TMCO6: variants seen among roughly 807,000 people sequenced by gnomAD.
TMCO6 encodes the protein transmembrane and coiled-coil domains 6, also known as transmembrane and coiled-coil domain-containing protein 6.
A neutral mutation model predicts 61.8 loss-of-function variants in TMCO6; 47 were observed. That is an observed-to-expected ratio of 0.76 (90% CI 0.60 to 0.97). The LOEUF (loss-of-function observed/expected upper bound fraction) is 0.97. Ranked by LOEUF, TMCO6 falls within the 50% of genes least tolerant of loss-of-function variation. The probability of loss-of-function intolerance (pLI) is 0.00; values close to 1 mark genes in which losing one functional copy is unlikely to be tolerated. For synonymous variants in TMCO6, 261 were observed against 254.2 expected (o/e 1.03, Z -0.25); for missense variants, 557 against 601.6 (o/e 0.93, Z 0.78).
At position 140,644,273 on chromosome 5, in the gene TMCO6, C is replaced by G. The variant is rs925722509; in HGVS notation, c.1200+79C>G. 24 of 1,478,002 alleles carry G rather than the reference C, an allele frequency of 1.6e-5. No individual in the cohort carries two copies. In the African/African-American group the frequency reaches 2.8e-4, roughly 17 times the overall value. The allele number at this position is 1,478,002 out of a possible 1,614,324, so 91.6% of individuals were successfully genotyped here. On this transcript the variant is annotated intron_variant, in intron 10 of 11. Coordinates refer to ENST00000394671, the MANE Select transcript of TMCO6 (RefSeq NM_018502.5). ...AGCAGTCCTGAGCCCTCAGATGTAC[C>G]CTTAGTTGAGAGCCAGCAGGTGGTG...
chr5:140,635,941 T>C (rs568712493), upstream of TMCO6, among the ~76,000 whole-genome samples: 1 of 152,284 alleles, frequency 6.6e-6, no homozygotes, highest in South Asian at 2.1e-4. Flanking sequence ...AATATAGCTT[T>C]TGGCTGGGAA....
At chr5:140,631,939 C>A in the TMCO6 span, 1 of 1,612,656 alleles carries the variant, frequency 6.2e-7, no homozygotes, top group South Asian at 1.1e-5. Context: ...CAGGCTGGGA[C>A]CACGCCGGAG....
chr5:140,611,805 A>G, the TMCO6 span, among the ~76,000 whole-genome samples: 1 of 152,214 alleles, frequency 6.6e-6, no homozygotes, highest in Admixed American at 6.5e-5. Flanking sequence ...GATCAGACCT[A>G]TCATACACAA....
At chr5:140,627,396 T>C in the TMCO6 span, among the ~76,000 whole-genome samples, 14 of 152,294 alleles carry the variant, frequency 9.2e-5, no homozygotes, top group Admixed American at 6.5e-4. Context: ...AGTTGAACAA[T>C]GATCATATCA....
At chr5:140,627,710 A>T in the TMCO6 span, among the ~76,000 whole-genome samples, 1 of 147,436 alleles carries the variant, frequency 6.8e-6, no homozygotes. Flanking sequence ...TTCATTTGCC[A>T]GTTTTTACAT....
At position 140,643,600 on chromosome 5, in the gene TMCO6, T is replaced by G. The variant is rs780060167; in HGVS notation, c.843T>G (p.Ala281=). ...ATCCTCTGCTCATTGGCCATGGGGC[T>G]CTGTCTACTCTGGGGTTGCTGCTGT... is the stretch of plus-strand genomic sequence containing the variant. ...VSNPLLIGHG[A]LSTLGLLLLD... The change falls in exon 8 of 12, where the codon GCT becomes GCG. Residue 281 remains alanine, a synonymous_variant. Coordinates refer to ENST00000394671, the MANE Select transcript of TMCO6 (RefSeq NM_018502.5). 6.2e-7 allele frequency: 1 copy of G among 1,614,170 alleles called. No homozygotes were observed. The highest frequency in any genetic ancestry group is 8.5e-7 in the Non-Finnish European group (1 of 1,180,040).
chr5:140,642,370 G>A lies in TMCO6; in HGVS notation c.554G>A (p.Arg185Lys), dbSNP rs1413653092. ...NLIVESEAVR[R>K]QLLPQGIVPA... Reference sequence around the variant, plus strand: ...ATCGTGGAGAGTGAGGCTGTGAGAAGGCAGCTCCTGCCACAGGGCATTGTT... The same window carrying A: ...ATCGTGGAGAGTGAGGCTGTGAGAAAGCAGCTCCTGCCACAGGGCATTGTT... Residue 185 changes from arginine (R) to lysine (K), a missense_variant, in exon 5 of 12, where the codon AGG (arginine) becomes AAG (lysine). Transcript: ENST00000394671. The A allele has an allele frequency of 6.2e-7, 1 of 1,613,858 alleles. No homozygotes were observed.
chr5:140,629,890 G>A, the TMCO6 span, among the ~76,000 whole-genome samples: 61 of 145,540 alleles, frequency 4.2e-4, no homozygotes, highest in African/African-American at 2.6e-4. Context: ...CTGAGATTGC[G>A]CCATTGCACT....
At chr5:140,643,520 G>A (rs1184717290) in intron 7 of TMCO6, 44 bp from the exon 8 acceptor site, 4 of 1,560,940 alleles carry the variant, frequency 2.6e-6, no homozygotes, top group Non-Finnish European at 3.5e-6. Flanking sequence ...CTTAAAGGTG[G>A]AATTGACTAT....
chr5:140,632,993 C>A, the TMCO6 span: 3 of 1,614,120 alleles, frequency 1.9e-6, no homozygotes, highest in Admixed American at 5.0e-5. The surrounding 1 kb of genome is among the most constrained non-coding windows in gnomAD (Gnocchi z 6.2). Context: ...GGGGAGAGAG[C>A]AGAGGTCTAG....
At chr5:140,647,169 G>A (rs1012767414), downstream of TMCO6, 2 of 1,394,316 alleles carry the variant, frequency 1.4e-6, no homozygotes, top group African/African-American at 2.9e-5. Context: ...TTCTCCACGG[G>A]TTTCTGCACG....
chr5:140,609,371 G>T, the TMCO6 span: 1 of 256,126 alleles, frequency 3.9e-6, no homozygotes. Flanking sequence ...CATCCTGGCC[G>T]CCAAGAGGAA....
chr5:140,625,442 G>T, the TMCO6 span, among the ~76,000 whole-genome samples: 1 of 152,124 alleles, frequency 6.6e-6, no homozygotes, highest in Non-Finnish European at 1.5e-5. Flanking sequence ...TTCCTGGACT[G>T]CTCTTCCAGC....
the TMCO6 span, chr5:140,632,281 C>T: frequency 6.8e-6 from 11 of 1,613,798 alleles, no homozygotes; most frequent in Admixed American, 1.7e-5. This position sits in a 1 kb window ranked among gnomAD's most constrained non-coding sequence, Gnocchi z 6.2. Context: ...GTGGGCGTCT[C>T]CATTCCTGTG....
chr5:140,601,685 A>C, the TMCO6 span, among the ~76,000 whole-genome samples: 1 of 152,172 alleles, frequency 6.6e-6, no homozygotes, highest in South Asian at 2.1e-4. Flanking sequence ...TGTTTCTCAA[A>C]GTGTATTCCC....
Position 140,641,768 on chromosome 5 carries a change from A to C in TMCO6, c.302A>C (p.Gln101Pro), listed in dbSNP as rs1378975482. ...RRGLQHPETQQTFIRLEGSMR... is the reference protein window; with the variant it reads ...RRGLQHPETQPTFIRLEGSMR... ...GGCTTGCAGCACCCTGAAACACAGC[A>C]AACCTTCATCCGGTCAGTGTGGATG... Residue 101 changes from glutamine to proline, a missense_variant, in exon 3 of 12, where the codon CAA (glutamine) becomes CCA (proline). Transcript: ENST00000394671. 1.2e-6 allele frequency: 2 copies of C among 1,614,210 alleles called. No individual in the cohort carries two copies. The highest frequency in any genetic ancestry group is 3.3e-5 in the Admixed American group (2 of 60,022).
chr5:140,619,940 G>A, the TMCO6 span, among the ~76,000 whole-genome samples: 9 of 152,350 alleles, frequency 5.9e-5, no homozygotes, highest in South Asian at 1.9e-3. Flanking sequence ...TTCATTGCTG[G>A]TGGAAATGCA....
chr5:140,604,480 T>C, the TMCO6 span, among the ~76,000 whole-genome samples: 2 of 151,902 alleles, frequency 1.3e-5, no homozygotes, highest in African/African-American at 4.8e-5. Flanking sequence ...ACTAGACCCT[T>C]ATCAGATATA....
At chr5:140,610,439 T>G in the TMCO6 span, among the ~76,000 whole-genome samples, 1 of 152,088 alleles carries the variant, frequency 6.6e-6, no homozygotes, top group African/African-American at 2.4e-5. Flanking sequence ...GCTGAAGCAC[T>G]TCTCCCGCCT....
Sources: allele counts gnomAD v4.1 joint callset (sites outside exome capture counted in the v4.1 genomes callset), GRCh38; gene constraint gnomAD v4.1.1; non-coding constraint Gnocchi (gnomAD v3.1); transcripts MANE v1.5; gene names NCBI Gene and HGNC (gene_info 2026-07-23, HGNC 2026-07-21).